Variants in NLRP13 observed in about 807,000 individuals in gnomAD.
NLRP13 encodes NACHT, LRR and PYD domains-containing protein 13.
NLRP13 carries 82 observed loss-of-function variants against 94.4 expected under a neutral mutation model. The observed-to-expected ratio is 0.87, with a 90% CI of 0.73 to 1.04. The LOEUF (loss-of-function observed/expected upper bound fraction) is 1.04. NLRP13 is among the 50% of genes least tolerant of loss of function. The pLI, the probability that NLRP13 is intolerant of heterozygous loss-of-function variation, is 0.00. For synonymous variants in NLRP13, 553 were observed against 464.7 expected, an observed-to-expected ratio of 1.19 and a Z score of -2.45; for missense variants, 1,426 against 1,230.8, an observed-to-expected ratio of 1.16 and a Z score of -2.37.
intron 4 of NLRP13, among the ~76,000 whole-genome samples, chr19:55,919,679 A>T (rs926043935): frequency 3.9e-5 from 6 of 152,120 alleles, no homozygotes; most frequent in African/African-American, 1.4e-4. Context: ...CACAAGGAAA[A>T]CTACAAAAAG....
chr19:55,919,614 T>C (rs191991132), intron 4 of NLRP13, among the ~76,000 whole-genome samples: 2 of 151,788 alleles, frequency 1.3e-5, no homozygotes, highest in African/African-American at 4.8e-5. Context: ...CTATTTACAA[T>C]AGCTTAAAAA....
At chr19:55,913,405 C>A in intron 4 of NLRP13, 112 bp from the exon 5 acceptor site, 4 of 1,254,352 alleles carry the variant, frequency 3.2e-6, no homozygotes. Flanking sequence ...CTCTGCCTTC[C>A]AGGATTTTGT....
At position 55,913,144 on chromosome 19, in the gene NLRP13, T is replaced by C; in HGVS notation, c.673A>G (p.Arg225Gly). The change falls in exon 5 of 11, where the codon AGA (arginine) becomes GGA (glycine). Residue 225 changes from arginine (R) to glycine (G), a missense_variant. Transcript: ENST00000342929. ...AAGACTATCGTCTGGGCCTGGGCTC[T>C]AGTCCTATTAGGATCCAGTAGGCGC... ...LQRLLDPNRT[R>G]AQAQTIVLVG... The C allele has an allele frequency of 6.2e-7, 1 of 1,614,196 alleles. No individual in the cohort carries two copies. The highest frequency in any genetic ancestry group is 8.5e-7 in the Non-Finnish European group (1 of 1,180,032).
intron 9 of NLRP13, among the ~76,000 whole-genome samples, chr19:55,900,466 C>A (rs1254225331): frequency 6.6e-6 from 1 of 152,108 alleles, no homozygotes; most frequent in Non-Finnish European, 1.5e-5. Flanking sequence ...GACAGTGTGA[C>A]GATTCCTCGA....
chr19:55,904,377 C>G (rs1396711279), intron 8 of NLRP13, among the ~76,000 whole-genome samples: 6 of 152,108 alleles, frequency 3.9e-5, no homozygotes, highest in Non-Finnish European at 8.8e-5. Context: ...TGTGAGCCAC[C>G]TTGCCCAGCC....
intron 9 of NLRP13, among the ~76,000 whole-genome samples, chr19:55,900,582 T>A (rs572797510): frequency 6.7e-6 from 1 of 149,656 alleles, no homozygotes; most frequent in Non-Finnish European, 1.5e-5. Flanking sequence ...CCATCCTGGC[T>A]AACATGGTGA....
chr19:55,901,808 CA>C (rs908271305), intron 9 of NLRP13, among the ~76,000 whole-genome samples: 1 of 152,080 alleles, frequency 6.6e-6, no homozygotes, highest in African/African-American at 2.4e-5. Context: ...CGAGTCCTCC[CA>C]GTGAAACATC....
chr19:55,895,822 A>G (rs1010804876), downstream of NLRP13: 3 of 1,042,480 alleles, frequency 2.9e-6, no homozygotes, highest in East Asian at 2.4e-5. Context: ...CCTTACTGGA[A>G]GTTCCGTTGG....
chr19:55,930,898 A>ATACACACACGTATATATATACATAT, intron 1 of NLRP13, among the ~76,000 whole-genome samples: 1 of 104,898 alleles, frequency 9.5e-6, no homozygotes, highest in Non-Finnish European at 1.9e-5. Flanking sequence ...ATATATATAT[A>ATACACACACGTATATATATACATAT]AAATTTTAAC....
intron 4 of NLRP13, among the ~76,000 whole-genome samples, chr19:55,914,657 T>C (rs1433609454): frequency 1.3e-5 from 2 of 152,246 alleles, no homozygotes; most frequent in African/African-American, 2.4e-5. Flanking sequence ...GGGGCAGTAA[T>C]TGCCTTTTTG....
Position 55,895,995 on chromosome 19 carries a change from G to C in NLRP13, c.3082C>G (p.Leu1028Val). 1 of 1,614,142 alleles carries C rather than the reference G, an allele frequency of 6.2e-7. No homozygotes were observed. The highest frequency in any genetic ancestry group is 1.6e-4 in the Middle Eastern group (1 of 6,062). ...GTCGACTTTTTCAAAGCCTTACATAGCATCTTGACACCATCAGTATCCAAT... is the reference window on the plus strand; with the variant it reads ...GTCGACTTTTTCAAAGCCTTACATACCATCTTGACACCATCAGTATCCAAT... ...NELDTDGVKM[L>V]CKALKKSTCR... is the part of the protein sequence containing the mutation. Residue 1028 changes from leucine to valine, a missense_variant, in exon 11 of 11, where the codon CTA becomes GTA. Transcript: ENST00000342929.
intron 10 of NLRP13, among the ~76,000 whole-genome samples, chr19:55,896,517 T>TTA (rs1986014495): frequency 1.9e-5 from 1 of 52,628 alleles, no homozygotes; most frequent in Non-Finnish European, 3.4e-5. Flanking sequence ...AGATTCTGTC[T>TTA]CAAAAAAAAA....
chr19:55,892,369 ATATG>A (rs1985877490), downstream of NLRP13, among the ~76,000 whole-genome samples: 1 of 80,658 alleles, frequency 1.2e-5, no homozygotes, highest in East Asian at 5.9e-4. Context: ...ATATGTGTAT[ATATG>A]TATATACACA....
intron 3 of NLRP13, among the ~76,000 whole-genome samples, 160 bp downstream of exon 3, chr19:55,924,430 A>C (rs746504137): frequency 2.6e-5 from 4 of 152,154 alleles, no homozygotes; most frequent in Non-Finnish European, 4.4e-5. Context: ...GCCGTAAGTT[A>C]TTATTTAATA....
At chr19:55,931,744 A>AAGAAAGAAAGACAG (rs1600283705) in intron 1 of NLRP13, among the ~76,000 whole-genome samples, 1 of 148,934 alleles carries the variant, frequency 6.7e-6, no homozygotes, top group Non-Finnish European at 1.5e-5. Context: ...GAAAGAAAGA[A>AAGAAAGAAAGACAG]AAAGGCTTAT....
chr19:55,925,072 C>T lies in NLRP13; in HGVS notation c.320-37G>A, dbSNP rs375433624. 7.7e-5 allele frequency: 123 copies of T among 1,589,494 alleles called. No individual in the cohort carries two copies. The African/African-American group carries it at 1.6e-3, about 21-fold the overall frequency. ...AGTGATGATGACATATGAGAATACC[C>T]AGACTGAAAATGGACCAGCAATAAT... On this transcript the variant is annotated intron_variant, in intron 1 of 10. Coordinates refer to ENST00000342929, the MANE Select transcript of NLRP13 (RefSeq NM_176810.2).
chr19:55,924,597 T>C lies in NLRP13; in HGVS notation c.450A>G (p.Glu150=), dbSNP rs139811703. 8.2e-5 allele frequency: 132 copies of C among 1,612,770 alleles called. 5 individuals are homozygous for C. Among genetic ancestry groups the C allele is most frequent in the South Asian group, 5.3e-4 (48 of 91,038 alleles). Residue 150 remains glutamate (E), a synonymous_variant, in exon 3 of 11, where the codon GAA becomes GAG. Coordinates refer to ENST00000342929, the MANE Select transcript of NLRP13 (RefSeq NM_176810.2). The part of the protein sequence containing the change: ...PNQEELDELE[E]ETGNVQAQGC... Reference sequence around the variant, plus strand: ...ACCAAGTAATGTACACACCTGTTTCTTCTTCTAGCTCGTCTAGTTCTTCTT... The same window carrying C: ...ACCAAGTAATGTACACACCTGTTTCCTCTTCTAGCTCGTCTAGTTCTTCTT...
intron 4 of NLRP13, among the ~76,000 whole-genome samples, chr19:55,915,934 A>G (rs970433427): frequency 6.6e-6 from 1 of 152,196 alleles, no homozygotes; most frequent in Non-Finnish European, 1.5e-5. Flanking sequence ...CGTGTCATCT[A>G]CTGGACTAGA....
intron 1 of NLRP13, 63 bp downstream of exon 1, chr19:55,931,930 G>A (rs962179035): frequency 1.1e-5 from 16 of 1,481,954 alleles, no homozygotes; most frequent in South Asian, 2.3e-5. Context: ...AAAACCCAGC[G>A]GCTACCTCCT....
Sources: allele counts gnomAD v4.1 joint callset (sites outside exome capture counted in the v4.1 genomes callset), GRCh38; gene constraint gnomAD v4.1.1; transcripts MANE v1.5; gene names NCBI Gene and HGNC (gene_info 2026-07-23, HGNC 2026-07-21).